The following CDH12 variants were observed in gnomAD, a reference collection of about 807,000 sequenced individuals.
The protein encoded by CDH12 is cadherin 12, also known as cadherin-12.
Under a neutral mutation model 74.1 loss-of-function variants are expected in CDH12, and 41 were observed. The ratio of observed to expected loss-of-function variants is 0.55; its 90% CI spans 0.43 to 0.72. The LOEUF is 0.72. CDH12 is among the 30% of genes least tolerant of loss of function. CDH12 has a pLI of 0.00. For missense variants in CDH12, 945 were observed against 977.2 expected (o/e 0.97, Z 0.44); for synonymous variants, 399 against 355.0 (o/e 1.12, Z -1.39).
At chr5:22,315,119 C>CTTTTTTTTTTTATTTT (rs1738571197) in intron 3 of CDH12, among the ~76,000 whole-genome samples, 1 of 22,994 alleles carries the variant, frequency 4.3e-5, no homozygotes, top group Non-Finnish European at 6.9e-5. Context: ...GCCTGCCTGG[C>CTTTTTTTTTTTATTTT]TTTTTTTTTT....
At chr5:21,891,560 T>TAC (rs1305461373) in intron 6 of CDH12, among the ~76,000 whole-genome samples, 1 of 68,892 alleles carries the variant, frequency 1.5e-5, no homozygotes, top group Admixed American at 1.8e-4. Flanking sequence ...TTCCTGTGAA[T>TAC]ACACACACAC....
At chr5:22,330,037 C>T (rs944694399) in intron 3 of CDH12, among the ~76,000 whole-genome samples, 2 of 152,306 alleles carry the variant, frequency 1.3e-5, no homozygotes, top group African/African-American at 4.8e-5. Flanking sequence ...TAAAGGAGTG[C>T]TTGCATTATG....
At chr5:22,483,778 G>A (rs561463844) in intron 2 of CDH12, among the ~76,000 whole-genome samples, 2 of 16,812 alleles carry the variant, frequency 1.2e-4, no homozygotes, top group African/African-American at 5.0e-4. Context: ...TTAATTAATT[G>A]GGCATGGTGG....
At chr5:22,014,581 G>A (rs1204113058) in intron 5 of CDH12, among the ~76,000 whole-genome samples, 2 of 151,996 alleles carry the variant, frequency 1.3e-5, no homozygotes, top group Non-Finnish European at 2.9e-5. Flanking sequence ...ATTTAGGGTA[G>A]GGCAGATTTC....
intron 3 of CDH12, among the ~76,000 whole-genome samples, chr5:22,214,219 A>G (rs1453270000): frequency 6.6e-6 from 1 of 152,142 alleles, no homozygotes; most frequent in African/African-American, 2.4e-5. Flanking sequence ...GAAAACGGAG[A>G]CGGCCCTGCA....
chr5:22,227,799 T>G (rs924128135), intron 3 of CDH12, among the ~76,000 whole-genome samples: 1 of 152,156 alleles, frequency 6.6e-6, no homozygotes, highest in African/African-American at 2.4e-5. Context: ...CAGGAGGCTG[T>G]GTCTGAAACA....
intron 1 of CDH12, among the ~76,000 whole-genome samples, chr5:22,518,032 C>A (rs546863448): frequency 6.6e-6 from 1 of 152,270 alleles, no homozygotes; most frequent in African/African-American, 2.4e-5. Context: ...TATAGGGTTA[C>A]CCCTAGAGTG....
At chr5:22,369,475 C>T (rs1048235598) in intron 3 of CDH12, among the ~76,000 whole-genome samples, 1 of 151,984 alleles carries the variant, frequency 6.6e-6, no homozygotes, top group African/African-American at 2.4e-5. Flanking sequence ...ATTCCCTGAA[C>T]AACAAGGTTC....
intron 3 of CDH12, among the ~76,000 whole-genome samples, chr5:22,305,894 C>T (rs1738085579): frequency 6.6e-6 from 1 of 152,148 alleles, no homozygotes; most frequent in Non-Finnish European, 1.5e-5. Flanking sequence ...TGTCCACCTT[C>T]TTGCCCACTT....
intron 2 of CDH12, among the ~76,000 whole-genome samples, chr5:22,463,005 A>G (rs907378712): frequency 6.6e-6 from 1 of 152,212 alleles, no homozygotes; most frequent in Non-Finnish European, 1.5e-5. Flanking sequence ...GAAAACACCT[A>G]TGGTTCCAGT....
At chr5:21,962,360 T>C (rs1444540716) in intron 6 of CDH12, among the ~76,000 whole-genome samples, 1 of 152,162 alleles carries the variant, frequency 6.6e-6, no homozygotes, top group African/African-American at 2.4e-5. Context: ...AATCTGAGAG[T>C]ATACCCTGCC....
At position 21,842,202 on chromosome 5, in the gene CDH12, G is replaced by A. The variant is rs1208753156; in HGVS notation, c.773C>T (p.Thr258Ile). 6.2e-7 allele frequency: 1 copy of A among 1,613,224 alleles called. No homozygotes were observed. Among genetic ancestry groups the A allele is most frequent in the Non-Finnish European group, 8.5e-7 (1 of 1,179,612 alleles). Residue 258 changes from threonine to isoleucine, a missense_variant, in exon 8 of 15, where the codon ACT becomes ATT. Coordinates refer to ENST00000382254, the MANE Select transcript of CDH12 (RefSeq NM_004061.5). ...TGGATTGTCATTGACATCGGTGAGA[G>A]TGATGTTGACTATTGTTGTTCCGGC... is the stretch of plus-strand genomic sequence containing the variant. The part of the protein sequence containing the change: ...GLAGTTIVNI[T>I]LTDVNDNPPR...
chr5:22,144,159 AT>A (rs1167113512), intron 4 of CDH12: 3 of 152,194 alleles, frequency 2.0e-5, no homozygotes, highest in Non-Finnish European at 4.4e-5. Flanking sequence ...GTAAGTGCAA[AT>A]TTTAGAAAAT....
intron 3 of CDH12, among the ~76,000 whole-genome samples, chr5:22,245,446 A>C (rs1022978422): frequency 6.6e-6 from 1 of 152,168 alleles, no homozygotes; most frequent in Non-Finnish European, 1.5e-5. Flanking sequence ...TTGCAAAATT[A>C]TAACATTTAA....
intron 3 of CDH12, among the ~76,000 whole-genome samples, chr5:22,327,042 C>T (rs983487445): frequency 6.6e-5 from 10 of 151,788 alleles, no homozygotes; most frequent in African/African-American, 2.2e-4. Flanking sequence ...GTGGCCATTT[C>T]GTTTCATAGT....
intron 1 of CDH12, among the ~76,000 whole-genome samples, chr5:22,723,030 G>A (rs764164053): frequency 1.3e-5 from 2 of 152,128 alleles, no homozygotes; most frequent in Non-Finnish European, 2.9e-5. Context: ...CTTTGTGGTT[G>A]AGGAGCAATA....
chr5:22,314,613 T>C (rs1738534512), intron 3 of CDH12, among the ~76,000 whole-genome samples: 1 of 152,236 alleles, frequency 6.6e-6, no homozygotes, highest in Admixed American at 6.5e-5. Context: ...TGAATATACA[T>C]GGTTTTAGAT....
chr5:21,943,463 G>C (rs1755431082), intron 6 of CDH12, among the ~76,000 whole-genome samples: 1 of 151,640 alleles, frequency 6.6e-6, no homozygotes, highest in Non-Finnish European at 1.5e-5. Context: ...TTCAATATTG[G>C]TGTGTAGAAA....
In CDH12 at chr5:21,842,156, C is replaced by T. The variant is rs1388004416; in HGVS notation, c.814+5G>A. On this transcript the variant is annotated splice_donor_5th_base_variant and intron_variant, in intron 8 of 14. Transcript: ENST00000382254. ...AATTTAGGCTTAACAGGAAAGGTGA[C>T]ATACTTTTGGGGAATCGAGGTGGAT... The T allele has an allele frequency of 6.2e-7, 1 of 1,603,722 alleles. No homozygotes were observed. Among genetic ancestry groups the T allele is most frequent in the Non-Finnish European group, 8.5e-7 (1 of 1,175,652 alleles).
Sources: gnomAD v4.1 joint callset for allele counts (sites outside exome capture counted in the v4.1 genomes callset) on GRCh38, gnomAD v4.1.1 for gene constraint, MANE v1.5 for transcripts, NCBI Gene and HGNC (gene_info 2026-07-23, HGNC 2026-07-21) for gene names.